Variants in CASP9 observed in about 807,000 individuals in gnomAD.
CASP9 encodes caspase 9, also known as caspase-9.
Under a neutral mutation model 43.5 loss-of-function variants are expected in CASP9, and 29 were observed. That is an observed-to-expected ratio of 0.67 (90% confidence interval 0.50 to 0.91). CASP9 has a LOEUF of 0.91. Ranked by LOEUF, CASP9 falls within the 40% of genes least tolerant of loss-of-function variation. The pLI, the probability that CASP9 is intolerant of heterozygous loss-of-function variation, is 0.00. For missense variants in CASP9, 575 were observed against 537.4 expected, an observed-to-expected ratio of 1.07 and a Z score of -0.69; for synonymous variants, 206 against 211.9, an observed-to-expected ratio of 0.97 and a Z score of 0.24.
chr1:15,513,104 T>C (rs1485552469), intron 2 of CASP9, among the ~76,000 whole-genome samples: 5 of 148,132 alleles, frequency 3.4e-5, no homozygotes, highest in Non-Finnish European at 7.4e-5. Flanking sequence ...GAGCTTGCAG[T>C]GTGCGGAGAT....
chr1:15,500,795 G>T (rs577634487), intron 6 of CASP9, among the ~76,000 whole-genome samples: 1 of 152,068 alleles, frequency 6.6e-6, no homozygotes, highest in Non-Finnish European at 1.5e-5. Context: ...GGGGGCGGAG[G>T]GATGCCTAAG....
chr1:15,518,315 A>C lies in CASP9; in HGVS notation c.213T>G (p.Pro71=). ...TGTCCTCTAAGCAGGAGATGAACAA[A>C]GGAAGAGCCTGACTCCCTCGAGTCT... ...DLETRGSQAL[P]LFISCLEDTG... is the part of the protein sequence containing the mutation. Residue 71 remains proline (P), a synonymous_variant, in exon 2 of 9, where the codon CCT becomes CCG. Transcript: ENST00000333868. 1 of 1,614,216 alleles carries C rather than the reference A, an allele frequency of 6.2e-7. No homozygotes were observed. Among genetic ancestry groups the C allele is most frequent in the Non-Finnish European group, 8.5e-7 (1 of 1,180,030 alleles).
chr1:15,514,885 G>C (rs1709892433), intron 2 of CASP9, among the ~76,000 whole-genome samples: 1 of 152,032 alleles, frequency 6.6e-6, no homozygotes, highest in Admixed American at 6.6e-5. Context: ...TGCACCTGTA[G>C]TCCCAGCTAC....
chr1:15,513,188 A>T (rs1373025334), intron 2 of CASP9, among the ~76,000 whole-genome samples: 1 of 151,298 alleles, frequency 6.6e-6, no homozygotes, highest in African/African-American at 2.4e-5. Context: ...CGAACGGCTC[A>T]TTCTCTTTCT....
chr1:15,523,861 A>T (rs1326059698), intron 1 of CASP9, among the ~76,000 whole-genome samples: 1 of 150,580 alleles, frequency 6.6e-6, no homozygotes, highest in African/African-American at 2.5e-5. Flanking sequence ...TTTTTCCTTT[A>T]CACAAGAAAC....
chr1:15,522,691 G>A (rs112416789), intron 1 of CASP9, among the ~76,000 whole-genome samples: 2,090 of 152,290 alleles, frequency 0.014, 52 homozygotes, highest in African/African-American at 0.047. Context: ...CTCCAGGCTG[G>A]GCAAGAGTGA....
intron 5 of CASP9, among the ~76,000 whole-genome samples, 200 bp downstream of exon 5, chr1:15,505,790 G>A (rs1709495107): frequency 6.6e-6 from 1 of 152,144 alleles, no homozygotes; most frequent in Admixed American, 6.5e-5. Flanking sequence ...CAGGAACACC[G>A]ACCTGCCCAG....
intron 6 of CASP9, among the ~76,000 whole-genome samples, chr1:15,496,754 T>C (rs1427957684): frequency 6.6e-6 from 1 of 152,216 alleles, no homozygotes; most frequent in Non-Finnish European, 1.5e-5. Context: ...GAAGGCTGGA[T>C]GCCATGGCTC....
chr1:15,516,576 T>C (rs769101401), intron 2 of CASP9, among the ~76,000 whole-genome samples: 4 of 152,174 alleles, frequency 2.6e-5, no homozygotes, highest in Non-Finnish European at 5.9e-5. Flanking sequence ...CCTAGGCTCA[T>C]GTAGTCCTCC....
intron 6 of CASP9, among the ~76,000 whole-genome samples, chr1:15,500,013 C>T (rs1027859025): frequency 2.6e-5 from 4 of 152,106 alleles, no homozygotes; most frequent in African/African-American, 7.2e-5. Context: ...GAGACACTGA[C>T]GGAGGTCTTC....
chr1:15,518,007 G>GCC, intron 2 of CASP9, 103 bp downstream of exon 2: 2 of 1,342,270 alleles, frequency 1.5e-6, no homozygotes, highest in Non-Finnish European at 2.1e-6. Flanking sequence ...GAAAGACAAT[G>GCC]CTAAAATTAA....
intron 8 of CASP9, chr1:15,493,533 T>G: frequency 7.2e-7 from 1 of 1,390,504 alleles, no homozygotes; most frequent in Non-Finnish European, 9.3e-7. Context: ...AGTAGAAGAC[T>G]ACATGATGCC....
intron 6 of CASP9, 129 bp from the exon 7 acceptor site, chr1:15,495,581 T>C (rs896398285): frequency 7.6e-6 from 6 of 786,764 alleles, no homozygotes; most frequent in Non-Finnish European, 1.1e-5. Flanking sequence ...GACCCCAAAC[T>C]CATTAAGCCA....
intron 6 of CASP9, among the ~76,000 whole-genome samples, chr1:15,503,985 A>T (rs1340756220): frequency 6.6e-6 from 1 of 152,176 alleles, no homozygotes; most frequent in African/African-American, 2.4e-5. Flanking sequence ...CATACAGCAA[A>T]ACTACAAAGA....
At position 15,524,173 on chromosome 1, in the gene CASP9, G is replaced by A. The variant is rs1283204100; in HGVS notation, c.28C>T (p.Arg10Trp). 1.3e-6 allele frequency: 2 copies of A among 1,541,660 alleles called. No individual in the cohort carries two copies. The highest frequency in any genetic ancestry group is 1.7e-6 in the Non-Finnish European group (2 of 1,148,552). Residue 10 changes from arginine to tryptophan, a missense_variant, in exon 1 of 9, where the codon CGG becomes TGG. By Grantham distance (101) the Arg-to-Trp change is moderately radical (BLOSUM62 -3). Transcript: ENST00000333868. MDEADRRLL[R>W]RCRLRLVEEL... ...TCCACCAGCCGCAGCCGGCACCGCC[G>A]CAGGAGCCGCCGATCCGCTTCGTCC...
chr1:15,508,109 A>T (rs1709594055), intron 2 of CASP9, among the ~76,000 whole-genome samples: 1 of 152,196 alleles, frequency 6.6e-6, no homozygotes, highest in South Asian at 2.1e-4. Flanking sequence ...CAGCAAGTCC[A>T]CCCTTAGGTA....
At chr1:15,507,130 C>T in intron 3 of CASP9, 55 bp from the exon 4 acceptor site, 1 of 1,606,898 alleles carries the variant, frequency 6.2e-7, no homozygotes, top group Admixed American at 1.7e-5. Context: ...CCCTAGAGGA[C>T]AGTCTGGAGA....
At chr1:15,517,825 A>G (rs577126444) in intron 2 of CASP9, among the ~76,000 whole-genome samples, 48 of 152,162 alleles carry the variant, frequency 3.2e-4, no homozygotes, top group African/African-American at 1.1e-3. Context: ...CTCTGGAAAC[A>G]TTGATCAAAA....
rs1031615601 is a variant in CASP9 at position 15,492,748 on chromosome 1, T to C, written c.*195A>G. On this transcript the variant is annotated 3_prime_UTR_variant, in exon 9 of 9. Transcript: ENST00000333868. ...GCAATCCACGGCATTCATCTGTCCCTCTTCCTCCACTGTTCAGCACTTGTC... is the reference window on the plus strand; with the variant it reads ...GCAATCCACGGCATTCATCTGTCCCCCTTCCTCCACTGTTCAGCACTTGTC... 1.4e-6 allele frequency: 1 copy of C among 712,708 alleles called. No individual in the cohort carries two copies. Among genetic ancestry groups the C allele is most frequent in the Non-Finnish European group, 2.3e-6 (1 of 439,070 alleles). The allele number at this position is 712,708 out of a possible 1,614,324, so 44.1% of individuals were successfully genotyped here.
Sources: gnomAD v4.1 joint callset for allele counts (sites outside exome capture counted in the v4.1 genomes callset) on GRCh38, gnomAD v4.1.1 for gene constraint, MANE v1.5 for transcripts, NCBI Gene and HGNC (gene_info 2026-07-23, HGNC 2026-07-21) for gene names.